GET1: variants seen among roughly 807,000 people sequenced by gnomAD.
GET1 encodes guided entry of tail-anchored proteins factor 1, also known as congenital heart disease 5 protein.
GET1 carries 20 observed loss-of-function variants against 22.6 expected under a neutral mutation model. The observed-to-expected ratio is 0.89, with a 90% CI of 0.62 to 1.29. The LOEUF (loss-of-function observed/expected upper bound fraction) is 1.29. Ranked by LOEUF, GET1 falls within the 50% of genes most tolerant of loss-of-function variation. The pLI is 0.00. For synonymous variants in GET1, 92 were observed against 83.8 expected (o/e 1.10, Z -0.53); for missense variants, 209 against 219.9 (o/e 0.95, Z 0.31).
At chr21:39,410,079 T>G, downstream of GET1, 1 of 1,609,964 alleles carries the variant, frequency 6.2e-7, no homozygotes, top group Non-Finnish European at 8.5e-7. Context: ...GATCGATGTT[T>G]CCTGTTGCCT....
chr21:39,400,559 G>A (rs1051980646), downstream of GET1, among the ~76,000 whole-genome samples: 2 of 152,120 alleles, frequency 1.3e-5, no homozygotes, highest in East Asian at 1.9e-4. Flanking sequence ...ATTAACAACC[G>A]TCAGGAGAAT....
intron 1 of GET1, among the ~76,000 whole-genome samples, chr21:39,389,006 A>G (rs557901486): frequency 1.6e-4 from 24 of 151,568 alleles, no homozygotes; most frequent in African/African-American, 5.3e-4. Context: ...CAGATCTCCA[A>G]TTGAAGCCAA....
In GET1 at chr21:39,390,737, C is replaced by G; in HGVS notation, c.142C>G (p.Gln48Glu). The change falls in exon 2 of 5, where the codon CAG becomes GAG. Residue 48 changes from glutamine (Q) to glutamate (E), a missense_variant. Physicochemically the swap from Gln to Glu is conservative, Grantham distance 29. Transcript: ENST00000649170. ...VLQKDAEQES[Q>E]MRAEIQDMKQ... Reference sequence around the variant, plus strand: ...GCAGAAGGACGCGGAGCAGGAGTCACAGATGAGAGCGGAGATCCAGGACAT... The same window carrying G: ...GCAGAAGGACGCGGAGCAGGAGTCAGAGATGAGAGCGGAGATCCAGGACAT... The G allele has an allele frequency of 6.2e-7, 1 of 1,614,184 alleles. No homozygotes were observed.
At chr21:39,428,492 A>C in exon 2 of GET1, 1 of 1,544,876 alleles carries the variant, frequency 6.5e-7, no homozygotes, top group Non-Finnish European at 8.7e-7. Flanking sequence ...AGCCAAAGAC[A>C]TAGCAAACAA....
chr21:39,412,786 G>A lies in GET1; in HGVS notation c.*23+1849G>A, dbSNP rs897888236. 3.3e-5 allele frequency among the ~76,000 whole-genome samples: 5 copies of A among 152,162 alleles called. No homozygotes were observed. In the East Asian group the frequency reaches 5.8e-4, roughly 18 times the overall value. ...GAAAATTGCAAGCCCCTTAAAAAGCGCCTCCCCCGCCGCCCCATTCATCAT... is the reference window on the plus strand; with the variant it reads ...GAAAATTGCAAGCCCCTTAAAAAGCACCTCCCCCGCCGCCCCATTCATCAT... On this transcript the variant is annotated intron_variant, in intron 1 of 1. Transcript: ENST00000478273.
chr21:39,399,513 C>T (rs529263715), downstream of GET1, among the ~76,000 whole-genome samples: 53 of 152,096 alleles, frequency 3.5e-4, 1 homozygote, highest in South Asian at 6.4e-3. Context: ...GGCGCGATCT[C>T]GGCTCACTGC....
At chr21:39,393,350 T>C (rs2038431337) in intron 4 of GET1, 70 bp downstream of exon 4, 3 of 1,256,098 alleles carry the variant, frequency 2.4e-6, no homozygotes, top group Admixed American at 3.8e-5. Context: ...GGTAGAAGAT[T>C]AAGTTAGCCT....
chr21:39,420,575 C>T, intron 1 of GET1: 1 of 606,516 alleles, frequency 1.6e-6, no homozygotes, highest in Non-Finnish European at 2.6e-6. Flanking sequence ...GCCCAGGCCC[C>T]CTACAAAGGG....
intron 3 of GET1, 165 bp from the exon 4 acceptor site, chr21:39,393,001 G>A: frequency 5.2e-6 from 3 of 575,912 alleles, no homozygotes; most frequent in South Asian, 4.6e-5. Context: ...GGACATTAGT[G>A]GCTGTGCGTG....
At chr21:39,406,132 T>A (rs370925430) in exon 5 of GET1, 1 of 1,614,148 alleles carries the variant, frequency 6.2e-7, no homozygotes, top group African/African-American at 1.3e-5. Flanking sequence ...GAAAGTTGTA[T>A]CCTTCACTTT....
intron 1 of GET1, chr21:39,386,044 C>T (rs950903670): frequency 6.6e-6 from 1 of 152,294 alleles, no homozygotes; most frequent in Non-Finnish European, 1.5e-5. Flanking sequence ...GAGGCCCTTC[C>T]TCTCAATCCG....
chr21:39,383,176 G>C (rs530175993), intron 1 of GET1, among the ~76,000 whole-genome samples: 6 of 151,810 alleles, frequency 4.0e-5, no homozygotes, highest in South Asian at 2.1e-4. Context: ...GGATGGTCTC[G>C]ATCTCCTGAC....
At chr21:39,427,955 C>A in intron 1 of GET1, 1 of 375,088 alleles carries the variant, frequency 2.7e-6, no homozygotes, top group South Asian at 4.1e-5. Context: ...GTAAGCCATG[C>A]AGGGGGCTAG....
At chr21:39,402,592 T>C (rs1336395996), downstream of GET1, among the ~76,000 whole-genome samples, 1 of 152,226 alleles carries the variant, frequency 6.6e-6, no homozygotes, top group Non-Finnish European at 1.5e-5. Flanking sequence ...TTTGCTTACT[T>C]ATCTCCTTGG....
At chr21:39,402,480 G>A (rs2038864833), downstream of GET1, among the ~76,000 whole-genome samples, 2 of 152,178 alleles carry the variant, frequency 1.3e-5, no homozygotes, top group African/African-American at 4.8e-5. Flanking sequence ...TATGGAAAAC[G>A]GACCCCCTAA....
chr21:39,419,751 T>A lies in GET1; in HGVS notation c.*24-8481T>A, dbSNP rs188199401. Among the ~76,000 whole-genome samples the A allele has an allele frequency of 2.8e-3, 426 of 152,150 alleles. 4 individuals are homozygous for A. Among genetic ancestry groups the A allele is most frequent in the African/African-American group, 9.7e-3 (401 of 41,524 alleles). ...TCCTTAAAAATAAAAAAGTTAAAGA[T>A]CCTTGTCTTAAAGAATCAAGCTTAA... On this transcript the variant is annotated intron_variant, in intron 1 of 1. Coordinates refer to the GET1 transcript ENST00000478273.
At chr21:39,399,365 C>G (rs1221990659), downstream of GET1, among the ~76,000 whole-genome samples, 1 of 152,086 alleles carries the variant, frequency 6.6e-6, no homozygotes, top group East Asian at 1.9e-4. Context: ...ACTAGGGTGA[C>G]TGGCGTTAGC....
chr21:39,385,607 G>A (rs1302111111), intron 1 of GET1, among the ~76,000 whole-genome samples: 1 of 152,248 alleles, frequency 6.6e-6, no homozygotes, highest in Non-Finnish European at 1.5e-5. Context: ...CACCGGCTCT[G>A]CAGCTCTGCG....
chr21:39,419,605 C>T (rs1044620483), intron 1 of GET1, among the ~76,000 whole-genome samples: 11 of 151,802 alleles, frequency 7.2e-5, no homozygotes, highest in African/African-American at 2.2e-4. Flanking sequence ...ATATCCTAGC[C>T]CCCATAGTGA....
Sources: allele counts gnomAD v4.1 joint callset (sites outside exome capture counted in the v4.1 genomes callset), GRCh38; gene constraint gnomAD v4.1.1; transcripts MANE v1.5; gene names NCBI Gene and HGNC (gene_info 2026-07-23, HGNC 2026-07-21).